The following CHKA variants were observed in gnomAD, a reference collection of about 807,000 sequenced individuals.
CHKA encodes the protein CHETK-alpha.
A neutral mutation model predicts 60.1 loss-of-function variants in CHKA; 34 were observed. That is an observed-to-expected ratio of 0.57 (90% CI 0.43 to 0.75). The LOEUF (loss-of-function observed/expected upper bound fraction) is 0.75, where lower values mean the gene tolerates loss of function less well. Ranked by LOEUF, CHKA falls within the 30% of genes least tolerant of loss-of-function variation. The probability of loss-of-function intolerance (pLI) is 0.00; values close to 1 mark genes in which losing one functional copy is unlikely to be tolerated. For missense variants in CHKA, 563 were observed against 561.3 expected (o/e 1.00, Z -0.03); for synonymous variants, 217 against 223.1 (o/e 0.97, Z 0.24).
At position 68,068,863 on chromosome 11, in the gene CHKA, A is replaced by C. The variant is rs773761505; in HGVS notation, c.928+16T>G. 51 of 1,587,684 alleles carry C rather than the reference A, an allele frequency of 3.2e-5. No individual in the cohort carries two copies. The highest frequency in any genetic ancestry group is 4.3e-5 in the Non-Finnish European group (50 of 1,156,504). On this transcript the variant is annotated intron_variant, in intron 7 of 11. Coordinates refer to ENST00000265689, the MANE Select transcript of CHKA (RefSeq NM_001277.3). ...GCACACAAACCTCATCTGTAACAGA[A>C]CATAGCAATTCTTACCTTCTTGACA... is the stretch of plus-strand genomic sequence containing the variant.
Position 68,053,921 on chromosome 11 carries a change from G to T in CHKA, c.*67C>A. ...CCACAGGAGCAGTAGTCGAAGCACA[G>T]AGGGGACCCCGCTCTGCTGCCTCCC... On this transcript the variant is annotated 3_prime_UTR_variant, in exon 12 of 12. Coordinates refer to ENST00000265689, the MANE Select transcript of CHKA (RefSeq NM_001277.3). 7.1e-7 allele frequency: 1 copy of T among 1,410,066 alleles called. No homozygotes were observed. Among genetic ancestry groups the T allele is most frequent in the Non-Finnish European group, 1.0e-6 (1 of 1,001,740 alleles). The allele number at this position is 1,410,066 out of a possible 1,614,324, so 87.3% of individuals were successfully genotyped here. A position where few individuals can be genotyped will look rare whatever the true frequency, so the allele number is the denominator to read the frequency against.
At chr11:68,095,200 C>T (rs905451747) in intron 2 of CHKA, among the ~76,000 whole-genome samples, 2 of 151,306 alleles carry the variant, frequency 1.3e-5, no homozygotes, top group African/African-American at 2.4e-5. Flanking sequence ...GTCAGGAGAT[C>T]GAAACCATCC....
rs553455820 is a variant in CHKA, at chr11:68,101,660, A to G, written c.351-4530T>C. 7.9e-5 allele frequency among the ~76,000 whole-genome samples: 12 copies of G among 152,240 alleles called. No homozygotes were observed. The South Asian group carries it at 2.3e-3, about 29-fold the overall frequency. ...CCTGTTTACAATAGCTAACAAAAAA[A>G]AAAAGAAAAGAAAAAGAAAGAAATT... On this transcript the variant is annotated intron_variant, in intron 1 of 11. Coordinates refer to ENST00000265689, the MANE Select transcript of CHKA (RefSeq NM_001277.3).
chr11:68,115,753 A>G (rs1858359765), intron 1 of CHKA, among the ~76,000 whole-genome samples: 1 of 152,238 alleles, frequency 6.6e-6, no homozygotes, highest in Non-Finnish European at 1.5e-5. Context: ...GAAAGCCAGC[A>G]AGCCAGCCAC....
At chr11:68,055,345 G>A (rs953040237) in intron 11 of CHKA, among the ~76,000 whole-genome samples, 7 of 152,278 alleles carry the variant, frequency 4.6e-5, no homozygotes, top group South Asian at 2.1e-4. Flanking sequence ...AGCCAAGATC[G>A]GGCCACTGTA....
At chr11:68,079,646 G>C (rs1281712705) in intron 3 of CHKA, among the ~76,000 whole-genome samples, 2 of 152,014 alleles carry the variant, frequency 1.3e-5, no homozygotes, top group African/African-American at 4.8e-5. Context: ...TACTATTCTT[G>C]AAATTTTTTC....
chr11:68,105,583 T>C (rs977713918), intron 1 of CHKA, among the ~76,000 whole-genome samples: 5 of 141,926 alleles, frequency 3.5e-5, no homozygotes, highest in Non-Finnish European at 6.2e-5. Context: ...ATGTCAAACA[T>C]CTACCTATTT....
intron 1 of CHKA, among the ~76,000 whole-genome samples, chr11:68,109,378 C>T (rs372211637): frequency 6.6e-6 from 1 of 152,060 alleles, no homozygotes; most frequent in Non-Finnish European, 1.5e-5. Context: ...CGTGAGCCAC[C>T]GAGCCCGGCC....
rs147133464 is a variant in CHKA, at chr11:68,087,422, T to C, written c.463-5965A>G. Among the ~76,000 whole-genome samples the C allele has an allele frequency of 4.6e-5, 7 of 151,502 alleles. No homozygotes were observed. In the East Asian group the frequency reaches 1.4e-3, roughly 30 times the overall value. On this transcript the variant is annotated intron_variant, in intron 2 of 11. Coordinates refer to ENST00000265689, the MANE Select transcript of CHKA (RefSeq NM_001277.3). ...GCTTGAACCTGGGAGGCAGAGATTG[T>C]AGTGAGCCAAGATCACACCACTGCA... is the stretch of plus-strand genomic sequence containing the variant.
chr11:68,059,582 C>CA (rs1292757331), intron 11 of CHKA, among the ~76,000 whole-genome samples: 2 of 152,194 alleles, frequency 1.3e-5, no homozygotes, highest in Non-Finnish European at 1.5e-5. Context: ...CAAATACTGA[C>CA]ATGCTATGTT....
At chr11:68,107,205 T>C (rs1036397174) in intron 1 of CHKA, among the ~76,000 whole-genome samples, 2 of 152,014 alleles carry the variant, frequency 1.3e-5, no homozygotes, top group Non-Finnish European at 2.9e-5. Flanking sequence ...TGAGTCAAGA[T>C]TGAGCCACTG....
intron 10 of CHKA, among the ~76,000 whole-genome samples, chr11:68,064,218 C>A (rs1274926270): frequency 1.3e-5 from 2 of 152,074 alleles, no homozygotes; most frequent in Non-Finnish European, 2.9e-5. Flanking sequence ...ACTAGCCTGG[C>A]CAACATGGCA....
chr11:68,077,108 C>T (rs1453700137), intron 3 of CHKA, among the ~76,000 whole-genome samples: 2 of 152,052 alleles, frequency 1.3e-5, no homozygotes, highest in East Asian at 1.9e-4. Flanking sequence ...GGCATGGTGG[C>T]GGGCACCTGT....
At chr11:68,108,720 G>A (rs559237928) in intron 1 of CHKA, among the ~76,000 whole-genome samples, 4 of 152,248 alleles carry the variant, frequency 2.6e-5, no homozygotes, top group Admixed American at 6.5e-5. Flanking sequence ...CTCCAGCCTG[G>A]GTGACCGCAA....
At chr11:68,112,996 G>A (rs1858223286) in intron 1 of CHKA, among the ~76,000 whole-genome samples, 2 of 142,606 alleles carry the variant, frequency 1.4e-5, no homozygotes, top group African/African-American at 5.1e-5. Flanking sequence ...GCAGGAAAAT[G>A]GCGTGAAACC....
At chr11:68,056,277 C>A (rs776998597) in intron 11 of CHKA, among the ~76,000 whole-genome samples, 7 of 152,104 alleles carry the variant, frequency 4.6e-5, no homozygotes, top group Non-Finnish European at 8.8e-5. Context: ...CTCATAACTC[C>A]CATAGCCCTT....
At chr11:68,061,647 C>T in intron 11 of CHKA, 1 of 477,780 alleles carries the variant, frequency 2.1e-6, no homozygotes, top group Non-Finnish European at 4.1e-6. Context: ...TTCGAGGGTG[C>T]AGATGCCTAC....
Position 68,066,513 on chromosome 11 carries a change from T to C in CHKA, c.932A>G (p.Asn311Ser). ...VFCHNDCQEG[N>S]ILLLEGRENS... is the part of the protein sequence containing the mutation. Reference sequence around the variant, plus strand: ...CTCTCGGCCTTCCAGCAACAAGATATTACCTGCAAAAGGTTTGGATAACAT... The same window carrying C: ...CTCTCGGCCTTCCAGCAACAAGATACTACCTGCAAAAGGTTTGGATAACAT... The change falls in exon 8 of 12, where the codon AAT (asparagine) becomes AGT (serine). Residue 311 changes from asparagine (N) to serine (S), a missense_variant. By Grantham distance (46) the Asn-to-Ser change is conservative. Coordinates refer to ENST00000265689, the MANE Select transcript of CHKA (RefSeq NM_001277.3). 5 of 1,613,518 alleles carry C rather than the reference T, an allele frequency of 3.1e-6. No homozygotes were observed. The highest frequency in any genetic ancestry group is 4.2e-6 in the Non-Finnish European group (5 of 1,179,380).
intron 1 of CHKA, among the ~76,000 whole-genome samples, chr11:68,114,699 GA>G (rs544983763): frequency 2.2e-3 from 282 of 130,980 alleles, no homozygotes; most frequent in Middle Eastern, 7.6e-3. Context: ...TCTGTCTCGG[GA>G]AAAAAAAAAA....
Sources: gnomAD v4.1 joint callset for allele counts (sites outside exome capture counted in the v4.1 genomes callset) on GRCh38, gnomAD v4.1.1 for gene constraint, MANE v1.5 for transcripts, NCBI Gene and HGNC (gene_info 2026-07-23, HGNC 2026-07-21) for gene names.